The following CTPS2 variants were observed in gnomAD, a reference collection of about 807,000 sequenced individuals.
CTPS2 encodes the protein CTP synthase II.
CTPS2 carries 19 observed loss-of-function variants against 46.8 expected under a neutral mutation model. The observed-to-expected ratio is 0.41, with a 90% CI of 0.28 to 0.60. CTPS2 has a LOEUF of 0.60. CTPS2 is among the 20% of genes least tolerant of loss of function. The probability of loss-of-function intolerance (pLI) is 0.35; values close to 1 mark genes in which losing one functional copy is unlikely to be tolerated. For synonymous variants in CTPS2, 151 were observed against 165.2 expected, an observed-to-expected ratio of 0.91 and a Z score of 0.66; for missense variants, 286 against 447.6, an observed-to-expected ratio of 0.64 and a Z score of 3.26.
chrX:16,672,972 C>T (rs1921895712), intron 10 of CTPS2, among the ~76,000 whole-genome samples: 2 of 98,563 alleles, frequency 2.0e-5, no homozygotes, highest in Non-Finnish European at 4.1e-5. Context: ...CTGCAAGCTC[C>T]GCCTCCCGGG....
In CTPS2 at chrX:16,651,177, T is replaced by A. The variant is rs750065581; in HGVS notation, c.1297-11934A>T. The A allele has an allele frequency of 1.5e-5, 15 of 1,001,086 alleles. No homozygotes were observed. The Admixed American group carries it at 3.5e-4, about 23-fold the overall frequency. The allele number at this position is 1,001,086 out of a possible 1,213,427, so 82.5% of individuals were successfully genotyped here. The stretch of plus-strand genomic sequence containing the variant: ...ATCCGCAGAGCCCACTTAATGGGAC[T>A]GATGGTGGGAGGGGAGGGAGGGAGG... On this transcript the variant is annotated intron_variant, in intron 13 of 18. Coordinates refer to ENST00000359276, the MANE Select transcript of CTPS2 (RefSeq NM_175859.3).
intron 8 of CTPS2, among the ~76,000 whole-genome samples, chrX:16,684,355 AAAAATTAGCTG>A (rs1268194258): frequency 9.2e-6 from 1 of 109,048 alleles, no homozygotes; most frequent in Non-Finnish European, 1.9e-5. Context: ...CTAAAAATAC[AAAAATTAGCTG>A]GGCGTGGTGG....
chrX:16,625,991 G>A (rs1271689248), intron 14 of CTPS2, among the ~76,000 whole-genome samples: 1 of 111,819 alleles, frequency 8.9e-6, no homozygotes, highest in Non-Finnish European at 1.9e-5. Flanking sequence ...CAGGTTTCCA[G>A]GCTTGAGGGT....
chrX:16,642,345 G>T lies in CTPS2; in HGVS notation c.1297-3102C>A, dbSNP rs1932120581. On this transcript the variant is annotated intron_variant, in intron 13 of 18. Transcript: ENST00000359276. Reference sequence around the variant, plus strand: ...AATGCTAGAGAAGAGGTGGGAAGCAGGTGAAAATAGGTCTCCAGTACCAAA... The same window carrying T: ...AATGCTAGAGAAGAGGTGGGAAGCATGTGAAAATAGGTCTCCAGTACCAAA... 2.7e-5 allele frequency among the ~76,000 whole-genome samples: 3 copies of T among 111,680 alleles called. No individual in the cohort carries two copies. In the Admixed American group the frequency reaches 2.9e-4, roughly 11 times the overall value.
intron 4 of CTPS2, among the ~76,000 whole-genome samples, chrX:16,694,643 C>T (rs1409548562): frequency 8.9e-6 from 1 of 112,517 alleles, no homozygotes; most frequent in Admixed American, 9.4e-5. Flanking sequence ...ACAGAAAGGT[C>T]CTGAAATTCA....
chrX:16,687,143 G>C (rs1301392271), intron 8 of CTPS2, among the ~76,000 whole-genome samples: 1 of 110,550 alleles, frequency 9.0e-6, no homozygotes, highest in Non-Finnish European at 1.9e-5. Context: ...AAGCTGCCCA[G>C]TTAGTGGTCA....
At chrX:16,668,104 A>G (rs757148613) in intron 11 of CTPS2, among the ~76,000 whole-genome samples, 38 of 109,633 alleles carry the variant, frequency 3.5e-4, no homozygotes, top group African/African-American at 1.2e-3. Flanking sequence ...TCTACTAAAA[A>G]TACAAAAATT....
At chrX:16,604,969 TA>T (rs34796032) in intron 17 of CTPS2, among the ~76,000 whole-genome samples, 2 of 112,198 alleles carry the variant, frequency 1.8e-5, no homozygotes, top group African/African-American at 6.5e-5. Context: ...TAGACTCGTG[TA>T]AAAAAAGAGT....
intron 1 of CTPS2, among the ~76,000 whole-genome samples, chrX:16,705,040 G>A (rs1042893015): frequency 4.5e-5 from 5 of 110,227 alleles, no homozygotes; most frequent in African/African-American, 1.7e-4. Context: ...CTCTGCAGGT[G>A]CAGGATGTTA....
Position 16,637,977 on chromosome X carries a change from C to T in CTPS2, c.1393+1170G>A, listed in dbSNP as rs776931117. On this transcript the variant is annotated intron_variant, in intron 14 of 18. Coordinates refer to ENST00000359276, the MANE Select transcript of CTPS2 (RefSeq NM_175859.3). ...AGGCATTTTTCTGAAGAATTCTTGCCGGGCGTGGTGACTCACGCCTGTAAT... is the reference window on the plus strand; with the variant it reads ...AGGCATTTTTCTGAAGAATTCTTGCTGGGCGTGGTGACTCACGCCTGTAAT... 9.0e-5 allele frequency among the ~76,000 whole-genome samples: 10 copies of T among 111,705 alleles called. No individual in the cohort carries two copies. The South Asian group carries it at 3.7e-3, about 42-fold the overall frequency.
chrX:16,668,240 TGAGAAAGAAGGA>T (rs1921360673), intron 11 of CTPS2, among the ~76,000 whole-genome samples: 1 of 99,353 alleles, frequency 1.0e-5, no homozygotes, highest in Admixed American at 1.1e-4. Context: ...CCAGGCTGGG[TGAGAAAGAAGGA>T]AGGAAAGAAA....
At chrX:16,705,243 T>A (rs1924906450) in intron 1 of CTPS2, among the ~76,000 whole-genome samples, 3 of 112,049 alleles carry the variant, frequency 2.7e-5, no homozygotes, top group Non-Finnish European at 5.6e-5. Flanking sequence ...AAACTGTTTT[T>A]AAATAAGCAA....
intron 17 of CTPS2, among the ~76,000 whole-genome samples, chrX:16,593,222 G>A (rs1929010995): frequency 9.0e-6 from 1 of 111,323 alleles, no homozygotes; most frequent in Admixed American, 9.5e-5. Context: ...GAGGTCAGGA[G>A]ATCGAGATCA....
chrX:16,603,831 C>T (rs931140058), intron 17 of CTPS2, among the ~76,000 whole-genome samples: 27 of 110,680 alleles, frequency 2.4e-4, no homozygotes, highest in African/African-American at 8.9e-4. Context: ...GAAAAAACCC[C>T]GATATATTGT....
chrX:16,595,343 G>A (rs113417375), intron 17 of CTPS2, among the ~76,000 whole-genome samples: 1,333 of 111,313 alleles, frequency 0.012, 29 homozygotes, highest in African/African-American at 0.041. Context: ...AGTGTGTCTC[G>A]CTCTGTCACC....
rs1898381491 is a variant in CTPS2 at position 16,588,249 on chromosome X, C to A, written c.*1568G>T. The A allele has an allele frequency of 9.0e-6, 1 of 111,660 alleles. No individual in the cohort carries two copies. The highest frequency in any genetic ancestry group is 9.5e-5 in the Admixed American group (1 of 10,539). The allele number at this position is 111,660 out of a possible 1,213,427, so 9.2% of individuals were successfully genotyped here. A position where few individuals can be genotyped will look rare whatever the true frequency, so the allele number is the denominator to read the frequency against. ...ATGATCATCTCGAGTAATGGGCCAC[C>A]TGGTGGTCTGGCCAGCGGCAACAAG... is the stretch of plus-strand genomic sequence containing the variant. On this transcript the variant is annotated 3_prime_UTR_variant, in exon 19 of 19. Coordinates refer to ENST00000359276, the MANE Select transcript of CTPS2 (RefSeq NM_175859.3).
At chrX:16,633,195 T>A (rs1467215612) in intron 14 of CTPS2, among the ~76,000 whole-genome samples, 1 of 107,321 alleles carries the variant, frequency 9.3e-6, no homozygotes, top group Non-Finnish European at 1.9e-5. Context: ...GCAATCCTCC[T>A]GCCTCAGCCT....
At position 16,639,176 on chromosome X, in the gene CTPS2, G is replaced by A. The variant is rs1196744933; in HGVS notation, c.1364C>T (p.Thr455Ile). The A allele has an allele frequency of 8.3e-7, 1 of 1,204,050 alleles. No homozygotes were observed. Residue 455 changes from threonine to isoleucine, a missense_variant, in exon 14 of 19, where the codon ACT (threonine) becomes ATT (isoleucine). Coordinates refer to ENST00000359276, the MANE Select transcript of CTPS2 (RefSeq NM_175859.3). ...GGTMRLGIRR[T>I]VFKTENSILR... ...TATTGAATTTTCAGTTTTGAAAACA[G>A]TTCTTCTTATTCCCAGTCTCATTGT... is the stretch of plus-strand genomic sequence containing the variant.
intron 2 of CTPS2, 37 bp from the exon 3 acceptor site, chrX:16,699,130 G>A (rs1924364247): frequency 2.0e-6 from 2 of 1,015,601 alleles, no homozygotes; most frequent in South Asian, 2.6e-5. Context: ...TCAAAACTTT[G>A]CTTCCAGTAG....
Sources: gnomAD v4.1 joint callset for allele counts (sites outside exome capture counted in the v4.1 genomes callset) on GRCh38, gnomAD v4.1.1 for gene constraint, MANE v1.5 for transcripts, NCBI Gene and HGNC (gene_info 2026-07-23, HGNC 2026-07-21) for gene names.